Variants in POSTN observed in about 807,000 individuals in gnomAD.
The protein encoded by POSTN is periostin.
A neutral mutation model predicts 104.5 loss-of-function variants in POSTN; 71 were observed. The ratio of observed to expected loss-of-function variants is 0.68; its 90% CI spans 0.56 to 0.83. The LOEUF (loss-of-function observed/expected upper bound fraction) is 0.83. Among genes scored for constraint, POSTN ranks in the 40% least tolerant of loss-of-function variants. POSTN has a pLI of 0.00. For missense variants in POSTN, 949 were observed against 1,006.8 expected (o/e 0.94, Z 0.78); for synonymous variants, 355 against 340.7 (o/e 1.04, Z -0.46).
At chr13:37,574,679 A>G (rs1377459760) in intron 16 of POSTN, 27 bp from the exon 17 acceptor site, 2 of 1,560,296 alleles carry the variant, frequency 1.3e-6, no homozygotes, top group East Asian at 2.3e-5. Flanking sequence ...TGGAACATGA[A>G]AAATATTTAC....
intron 22 of POSTN, 140 bp from the exon 23 acceptor site, chr13:37,563,510 A>G (rs1949990873): frequency 1.8e-5 from 7 of 398,490 alleles, no homozygotes; most frequent in Non-Finnish European, 2.7e-5. Flanking sequence ...TAATATCTTC[A>G]ACTTATGGTG....
chr13:37,570,027 TG>T (rs530317535), intron 19 of POSTN, among the ~76,000 whole-genome samples: 146 of 152,070 alleles, frequency 9.6e-4, no homozygotes, highest in African/African-American at 3.4e-3. Flanking sequence ...TTTCCATAAA[TG>T]GGTGGCACAA....
rs1341360416 is a variant in POSTN at position 37,586,875 on chromosome 13, A to T, written c.660T>A (p.Asn220Lys). The T allele has an allele frequency of 6.2e-7, 1 of 1,613,236 alleles. No individual in the cohort carries two copies. Among genetic ancestry groups the T allele is most frequent in the Non-Finnish European group, 8.5e-7 (1 of 1,179,310 alleles). ...RIIHGNQIAT[N>K]GVVHVIDRVL... ...CACGGTCAATGACATGGACAACACC[A>T]TTTGTTGCAATCTGGTTCCCATGGA... The change falls in exon 6 of 23, where the codon AAT becomes AAA. Residue 220 changes from asparagine to lysine, a missense_variant. Transcript: ENST00000379747.
intron 17 of POSTN, among the ~76,000 whole-genome samples, chr13:37,573,924 A>ATG (rs59536872): frequency 0.2 from 30,100 of 150,622 alleles, 3,655 homozygotes; most frequent in Non-Finnish European, 0.27. Context: ...TCAGGAGAGA[A>ATG]TGTGTGTGTG....
chr13:37,572,756 A>G, intron 17 of POSTN, among the ~76,000 whole-genome samples: 1 of 151,610 alleles, frequency 6.6e-6, no homozygotes, highest in Admixed American at 6.6e-5. Context: ...TATAAGAGAC[A>G]CCTTAAAATT....
Position 37,579,309 on chromosome 13 carries a change from C to T in POSTN, c.1711G>A (p.Val571Ile). 2 of 1,599,586 alleles carry T rather than the reference C, an allele frequency of 1.3e-6. No homozygotes were observed. Among genetic ancestry groups the T allele is most frequent in the Non-Finnish European group, 1.7e-6 (2 of 1,166,900 alleles). ...NIILYHLTPG[V>I]FIGKGFEPGV... ...GGTTCAAATCCTTTTCCAATGAAAA[C>T]TCCTGGTGTCAGGTGATAAAGAATG... Residue 571 changes from valine to isoleucine, a missense_variant, in exon 13 of 23, where the codon GTT becomes ATT. Transcript: ENST00000379747.
At chr13:37,580,071 A>C (rs901152648) in intron 11 of POSTN, 80 bp from the exon 12 acceptor site, 3 of 1,311,862 alleles carry the variant, frequency 2.3e-6, no homozygotes, top group Non-Finnish European at 1.1e-6. Context: ...ATAGAATAGA[A>C]TCCATGTATT....
At chr13:37,582,566 A>T (rs1395089551) in intron 9 of POSTN, 52 bp from the exon 10 acceptor site, 4 of 1,485,804 alleles carry the variant, frequency 2.7e-6, no homozygotes, top group African/African-American at 1.4e-5. Context: ...AAAACATTGA[A>T]GTTTCTCCCG....
At position 37,591,882 on chromosome 13, in the gene POSTN, A is replaced by T. The variant is rs138575858; in HGVS notation, c.283+218T>A. ...GAAGCTGAACTAATTTAAATTTGTG[A>T]CTAAGTTTCTGTTGTATTGCCCAGC... On this transcript the variant is annotated intron_variant, in intron 3 of 22. Transcript: ENST00000379747. Among the ~76,000 whole-genome samples the T allele has an allele frequency of 9.9e-5, 15 of 152,282 alleles. No homozygotes were observed. In the East Asian group the frequency reaches 2.9e-3, roughly 29 times the overall value.
chr13:37,571,951 C>G (rs563073237), intron 17 of POSTN, among the ~76,000 whole-genome samples: 1 of 151,538 alleles, frequency 6.6e-6, no homozygotes, highest in Non-Finnish European at 1.5e-5. Flanking sequence ...TAAGAAAGTA[C>G]CAAATGTATA....
chr13:37,569,924 T>G (rs913000397), intron 19 of POSTN, 103 bp from the exon 20 acceptor site: 2 of 736,514 alleles, frequency 2.7e-6, no homozygotes, highest in Admixed American at 4.6e-5. Context: ...ATGTAGTCTG[T>G]GTTGCCATTG....
At chr13:37,572,889 C>A (rs1442065806) in intron 17 of POSTN, among the ~76,000 whole-genome samples, 1 of 151,500 alleles carries the variant, frequency 6.6e-6, no homozygotes, top group Non-Finnish European at 1.5e-5. Flanking sequence ...TAAATTACTA[C>A]TAAGATAAAT....
At chr13:37,568,851 A>T (rs2138165761) in intron 21 of POSTN, 1 of 152,420 alleles carries the variant, frequency 6.6e-6, no homozygotes, top group African/African-American at 2.4e-5. Context: ...GTTTTGGAAA[A>T]GAATGTTACT....
At chr13:37,580,076 T>C in intron 11 of POSTN, 85 bp from the exon 12 acceptor site, 11 of 1,293,052 alleles carry the variant, frequency 8.5e-6, no homozygotes, top group Non-Finnish European at 1.1e-5. Flanking sequence ...ATAGAATCCA[T>C]GTATTGTGGA....
At chr13:37,595,897 A>T (rs1593373385) in intron 2 of POSTN, among the ~76,000 whole-genome samples, 1 of 146,316 alleles carries the variant, frequency 6.8e-6, no homozygotes, top group South Asian at 2.2e-4. Flanking sequence ...TGCAACCTCC[A>T]CCTCCTAGGT....
intron 4 of POSTN, 79 bp from the exon 5 acceptor site, chr13:37,588,065 C>T (rs1204932364): frequency 8.7e-7 from 1 of 1,148,008 alleles, no homozygotes; most frequent in Non-Finnish European, 1.3e-6. Context: ...TATTTCTACT[C>T]TCTTGCTATT....
chr13:37,598,516 T>G, intron 1 of POSTN, 92 bp downstream of exon 1: 1 of 1,158,526 alleles, frequency 8.6e-7, no homozygotes, highest in Non-Finnish European at 1.2e-6. Flanking sequence ...AAAAAAACCC[T>G]GAGGCATATA....
Position 37,579,048 on chromosome 13 carries a change from T to A in POSTN, c.1865A>T (p.His622Leu). 6.2e-7 allele frequency: 1 copy of A among 1,613,422 alleles called. No individual in the cohort carries two copies. Among genetic ancestry groups the A allele is most frequent in the Non-Finnish European group, 8.5e-7 (1 of 1,179,628 alleles). ...TGGATAGAGGAGTTTATCTACAACATGAATTACACCATTTGTTGTCATGAT... is the reference window on the plus strand; with the variant it reads ...TGGATAGAGGAGTTTATCTACAACAAGAATTACACCATTTGTTGTCATGAT... Reference protein sequence around the residue: ...SDIMTTNGVIHVVDKLLYPAD... With the variant: ...SDIMTTNGVILVVDKLLYPAD... The change falls in exon 14 of 23, where the codon CAT becomes CTT. Residue 622 changes from histidine (H) to leucine (L), a missense_variant. Coordinates refer to ENST00000379747, the MANE Select transcript of POSTN (RefSeq NM_006475.3).
rs575344396 is a variant in POSTN at position 37,594,509 on chromosome 13, T to A, written c.219-2345A>T. On this transcript the variant is annotated intron_variant, in intron 2 of 22. Coordinates refer to ENST00000379747, the MANE Select transcript of POSTN (RefSeq NM_006475.3). ...AAACTCAATGTTCCCATATGGTCAG[T>A]AGGGCAAAACAAGAGTAAAAAAAAT... 3.2e-5 allele frequency among the ~76,000 whole-genome samples: 3 copies of A among 94,044 alleles called. No homozygotes were observed. In the South Asian group the frequency reaches 1.1e-3, roughly 33 times the overall value. 61.7% of individuals were successfully genotyped at this position (94,044 alleles called of 152,430 possible).
Sources: allele counts gnomAD v4.1 joint callset (sites outside exome capture counted in the v4.1 genomes callset), GRCh38; gene constraint gnomAD v4.1.1; transcripts MANE v1.5; gene names NCBI Gene and HGNC (gene_info 2026-07-23, HGNC 2026-07-21).